Variants in PTPN20 observed in about 807,000 individuals in gnomAD.
PTPN20 encodes the protein protein tyrosine phosphatase non-receptor type 20.
Under a neutral mutation model 35.0 loss-of-function variants are expected in PTPN20, and 9 were observed. The ratio of observed to expected loss-of-function variants is 0.26; its 90% CI spans 0.15 to 0.45. The LOEUF (loss-of-function observed/expected upper bound fraction) is 0.45, where lower values mean the gene tolerates loss of function less well. PTPN20 is among the 20% of genes least tolerant of loss of function. The pLI is 1.00. For synonymous variants in PTPN20, 32 were observed against 100.2 expected (o/e 0.32, Z 4.06); for missense variants, 111 against 312.5 (o/e 0.36, Z 4.86).
chr10:46,982,005 CTTCCTG>C (rs1199549104), intron 7 of PTPN20, among the ~76,000 whole-genome samples: 1 of 85,804 alleles, frequency 1.2e-5, no homozygotes, highest in Non-Finnish European at 2.3e-5. Flanking sequence ...ATAATTTTTG[CTTCCTG>C]TTCCTGTTCC....
intron 7 of PTPN20, among the ~76,000 whole-genome samples, chr10:46,968,830 C>G (rs2051520870): frequency 1.1e-5 from 1 of 89,814 alleles, no homozygotes; most frequent in South Asian, 4.4e-4. Flanking sequence ...CTCTGGAGTC[C>G]TCCCCCATCT....
intron 7 of PTPN20, among the ~76,000 whole-genome samples, chr10:46,975,523 C>T (rs2053251140): frequency 6.6e-6 from 1 of 151,528 alleles, no homozygotes; most frequent in Non-Finnish European, 1.5e-5. Flanking sequence ...TGTTAGTGTC[C>T]TTGTTTACAG....
At chr10:46,977,462 T>C (rs879055656) in intron 7 of PTPN20, among the ~76,000 whole-genome samples, 28,722 of 143,736 alleles carry the variant, frequency 0.2, 338 homozygotes, top group East Asian at 0.37. Flanking sequence ...TCTGATAAGA[T>C]GTAAAGGCAT....
chr10:46,919,214 C>A (rs1203082590), intron 1 of PTPN20, among the ~76,000 whole-genome samples: 3 of 152,234 alleles, frequency 2.0e-5, no homozygotes, highest in Non-Finnish European at 4.4e-5. Flanking sequence ...AATTGGATCT[C>A]ACTTTTTTAA....
intron 9 of PTPN20, among the ~76,000 whole-genome samples, chr10:46,988,026 C>T (rs2136991707): frequency 6.6e-6 from 1 of 152,392 alleles, no homozygotes; most frequent in Non-Finnish European, 1.5e-5. Flanking sequence ...ATTGCTCATC[C>T]TCTCTCAAAT....
chr10:46,970,472 CA>C (rs2051728740), intron 7 of PTPN20, among the ~76,000 whole-genome samples: 2 of 119,212 alleles, frequency 1.7e-5, no homozygotes, highest in Admixed American at 8.8e-5. Flanking sequence ...CCTTGTCTCT[CA>C]ATGGTAAACC....
chr10:46,937,952 T>A (rs2042244875), intron 2 of PTPN20, among the ~76,000 whole-genome samples: 1 of 61,470 alleles, frequency 1.6e-5, no homozygotes, highest in Admixed American at 1.4e-4. Flanking sequence ...TTTCTTTTCT[T>A]TTTTTTTTTT....
chr10:46,933,355 A>G (rs1221750113), intron 2 of PTPN20, among the ~76,000 whole-genome samples: 3 of 151,860 alleles, frequency 2.0e-5, no homozygotes, highest in African/African-American at 7.3e-5. Flanking sequence ...CTCTTAGCAA[A>G]TATCATTACA....
At chr10:46,932,196 C>T (rs1312715770) in intron 1 of PTPN20, among the ~76,000 whole-genome samples, 181 bp from the exon 2 acceptor site, 6 of 151,794 alleles carry the variant, frequency 4.0e-5, no homozygotes, top group Non-Finnish European at 7.4e-5. Context: ...AATAAATAAG[C>T]GTATCTCCAG....
chr10:46,992,579 AGTTT>A (rs1327198499), intron 9 of PTPN20, among the ~76,000 whole-genome samples: 1 of 152,164 alleles, frequency 6.6e-6, no homozygotes, highest in Non-Finnish European at 1.5e-5. Context: ...CCAGAAGGTC[AGTTT>A]GTTTGTTTCT....
chr10:46,974,735 G>GGA (rs1402387387), intron 7 of PTPN20, among the ~76,000 whole-genome samples: 1 of 139,020 alleles, frequency 7.2e-6, no homozygotes, highest in Non-Finnish European at 1.5e-5. Flanking sequence ...GACACAAGAG[G>GGA]GAGAGAGAGA....
At chr10:46,939,637 T>G (rs2042805159) in intron 2 of PTPN20, among the ~76,000 whole-genome samples, 1 of 151,170 alleles carries the variant, frequency 6.6e-6, no homozygotes, top group South Asian at 2.1e-4. Context: ...CAGTTTTTCT[T>G]TGGCTTCTAT....
intron 5 of PTPN20, among the ~76,000 whole-genome samples, chr10:46,958,989 G>A (rs1160219504): frequency 6.7e-6 from 1 of 148,566 alleles, no homozygotes; most frequent in African/African-American, 2.5e-5. Context: ...TATGTGGTCT[G>A]TTGTTGCACA....
chr10:46,997,724 A>G (rs1389415723), intron 9 of PTPN20, among the ~76,000 whole-genome samples: 2 of 152,188 alleles, frequency 1.3e-5, no homozygotes, highest in Non-Finnish European at 2.9e-5. Context: ...TAGTTAAAAA[A>G]AAAAGAAAAA....
At chr10:46,911,524 C>T (rs2031929395) in intron 1 of PTPN20, 23 bp downstream of exon 1, 1 of 200,910 alleles carries the variant, frequency 5.0e-6, no homozygotes, top group Admixed American at 7.1e-5. Context: ...GGCTGGGGGC[C>T]AGGTGGGCAG....
intron 1 of PTPN20, among the ~76,000 whole-genome samples, chr10:46,927,375 TAAC>T (rs1231382716): frequency 6.7e-6 from 1 of 148,652 alleles, no homozygotes; most frequent in Non-Finnish European, 1.5e-5. Context: ...GCTTTTAAGA[TAAC>T]AAAACTGGCT....
chr10:47,002,904 A>C (rs1321045723), downstream of PTPN20, among the ~76,000 whole-genome samples: 1 of 152,014 alleles, frequency 6.6e-6, no homozygotes, highest in Non-Finnish European at 1.5e-5. Context: ...AAGTTATTTT[A>C]GTGATTTATT....
In PTPN20 at chr10:46,982,845, A is replaced by G. The variant is rs1589834984; in HGVS notation, c.584-1385A>G. Among the ~76,000 whole-genome samples the G allele has an allele frequency of 3.3e-5, 5 of 152,272 alleles. No homozygotes were observed. In the South Asian group the frequency reaches 1.0e-3, roughly 32 times the overall value. ...AATATGATGAAAGATCTCCCTACAA[A>G]GCCATTGTTATCACCTTTATAATTT... On this transcript the variant is annotated intron_variant, in intron 7 of 10. Coordinates refer to ENST00000374339, the MANE Select transcript of PTPN20 (RefSeq NM_001042357.5).
chr10:46,949,327 T>C (rs1315887916), intron 5 of PTPN20, among the ~76,000 whole-genome samples: 358 of 152,282 alleles, frequency 2.4e-3, no homozygotes, highest in Admixed American at 5.2e-3. Context: ...TTCTGTACTG[T>C]CACACTGGCC....
Sources: allele counts gnomAD v4.1 joint callset (sites outside exome capture counted in the v4.1 genomes callset), GRCh38; gene constraint gnomAD v4.1.1; transcripts MANE v1.5; gene names NCBI Gene and HGNC (gene_info 2026-07-23, HGNC 2026-07-21).